The following DOCK3 variants were observed in gnomAD, a reference collection of about 807,000 sequenced individuals.
DOCK3 encodes the protein dedicator of cytokinesis protein 3.
DOCK3 carries 60 observed loss-of-function variants against 265.6 expected under a neutral mutation model. The ratio of observed to expected loss-of-function variants is 0.23; its 90% confidence interval spans 0.18 to 0.28. The LOEUF (loss-of-function observed/expected upper bound fraction) is 0.28. DOCK3 is among the 10% of genes least tolerant of loss of function. The pLI is 1.00. For synonymous variants in DOCK3, 881 were observed against 938.0 expected (o/e 0.94, Z 1.11); for missense variants, 1,981 against 2,594.3 (o/e 0.76, Z 5.14).
At chr3:50,858,499 G>C (rs1022796579) in intron 3 of DOCK3, among the ~76,000 whole-genome samples, 1 of 151,716 alleles carries the variant, frequency 6.6e-6, no homozygotes, top group Non-Finnish European at 1.5e-5. Context: ...TGGCTTGTAG[G>C]GTTTCAGCTG....
rs758990124 is a variant in DOCK3 at position 51,228,669 on chromosome 3, G to T, written c.1656G>T (p.Glu552Asp). 1 of 1,613,548 alleles carries T rather than the reference G, an allele frequency of 6.2e-7. No homozygotes were observed. The highest frequency in any genetic ancestry group is 8.5e-7 in the Non-Finnish European group (1 of 1,179,684). The stretch of plus-strand genomic sequence containing the variant: ...TCCATTTTTGCCTACAGTGTGATGA[G>T]AATAGCACGTTTAATAACCATGCTC... ...IHELYVYKCDENSTFNNHALY... is the reference protein window; with the variant it reads ...IHELYVYKCDDNSTFNNHALY... The change falls in exon 18 of 53, where the codon GAG (glutamate) becomes GAT (aspartate). Residue 552 changes from glutamate to aspartate, a missense_variant. Physicochemically the swap from Glu to Asp is conservative, Grantham distance 45. Coordinates refer to ENST00000266037, the MANE Select transcript of DOCK3 (RefSeq NM_004947.5).
chr3:50,987,339 G>T, intron 5 of DOCK3, among the ~76,000 whole-genome samples: 1 of 152,080 alleles, frequency 6.6e-6, no homozygotes, highest in Admixed American at 6.6e-5. Context: ...GTGGTAGCTG[G>T]TAGTTAGTTA....
chr3:51,015,279 G>A (rs1028862703), intron 5 of DOCK3, among the ~76,000 whole-genome samples: 3 of 151,940 alleles, frequency 2.0e-5, no homozygotes, highest in African/African-American at 7.3e-5. Flanking sequence ...TGTTATATAT[G>A]GCTTTTACTG....
intron 2 of DOCK3, among the ~76,000 whole-genome samples, chr3:50,797,509 A>C (rs1220741170): frequency 1.3e-5 from 2 of 152,328 alleles, no homozygotes; most frequent in South Asian, 4.1e-4. Context: ...CCTAAGGCGC[A>C]GCACCTTTCC....
intron 5 of DOCK3, among the ~76,000 whole-genome samples, chr3:51,024,869 C>T (rs779268397): frequency 7.2e-5 from 11 of 152,190 alleles, no homozygotes; most frequent in Non-Finnish European, 1.2e-4. Flanking sequence ...GAACTTGTCA[C>T]GTGGACAGAC....
intron 4 of DOCK3, among the ~76,000 whole-genome samples, chr3:50,890,733 TA>T (rs528565772): frequency 1.0e-3 from 159 of 152,218 alleles, no homozygotes; most frequent in Non-Finnish European, 1.7e-3. Context: ...GGTAGCTTCC[TA>T]AAGTAGAAAT....
chr3:50,784,569 G>A (rs2042089576), intron 2 of DOCK3, among the ~76,000 whole-genome samples: 1 of 152,060 alleles, frequency 6.6e-6, no homozygotes, highest in African/African-American at 2.4e-5. Context: ...ATTTTGATGG[G>A]AATTGCATTA....
intron 4 of DOCK3, among the ~76,000 whole-genome samples, chr3:50,926,984 G>T (rs188559551): frequency 5.9e-5 from 9 of 152,070 alleles, no homozygotes; most frequent in Non-Finnish European, 1.3e-4. Flanking sequence ...AGCGACTCCC[G>T]TCTCACACAG....
intron 9 of DOCK3, among the ~76,000 whole-genome samples, chr3:51,135,414 C>G (rs1014158124): frequency 6.6e-6 from 1 of 152,216 alleles, no homozygotes; most frequent in African/African-American, 2.4e-5. Context: ...GGGGATCATG[C>G]TGCTTCTCAA....
intron 5 of DOCK3, among the ~76,000 whole-genome samples, chr3:51,018,388 A>G (rs2079445022): frequency 6.6e-6 from 1 of 151,142 alleles, no homozygotes; most frequent in Non-Finnish European, 1.5e-5. Flanking sequence ...ACTTGAGTCC[A>G]GGAGTCCAAG....
Position 51,141,660 on chromosome 3 carries a change from T to C in DOCK3, c.747-4889T>C, listed in dbSNP as rs538543756. On this transcript the variant is annotated intron_variant, in intron 9 of 52. Coordinates refer to ENST00000266037, the MANE Select transcript of DOCK3 (RefSeq NM_004947.5). ...AAAGGTTTTAAGCTGGGAAAAGATA[T>C]GATCTGATTCGTATTTTAAAAGGAT... is the stretch of plus-strand genomic sequence containing the variant. 2.7e-3 allele frequency among the ~76,000 whole-genome samples: 417 copies of C among 152,290 alleles called. 2 individuals are homozygous for C. The highest frequency in any genetic ancestry group is 9.6e-3 in the African/African-American group (397 of 41,566).
At position 51,269,160 on chromosome 3, in the gene DOCK3, C is replaced by T. The variant is rs868373182; in HGVS notation, c.2356-1655C>T. ...CTCTATATATATATATTTATTTATA[C>T]GTATAATAATATACATATAATAATA... On this transcript the variant is annotated intron_variant, in intron 23 of 52. Transcript: ENST00000266037. Among the ~76,000 whole-genome samples the T allele has an allele frequency of 5.5e-4, 79 of 143,512 alleles. 1 individual carries two copies. Among genetic ancestry groups the T allele is most frequent in the South Asian group, 2.8e-3 (13 of 4,606 alleles). 94.1% of individuals were successfully genotyped at this position (143,512 alleles called of 152,430 possible). A position where few individuals can be genotyped will look rare whatever the true frequency, so the allele number is the denominator to read the frequency against.
At chr3:51,209,135 T>TG (rs1181639157) in intron 13 of DOCK3, among the ~76,000 whole-genome samples, 5 of 152,202 alleles carry the variant, frequency 3.3e-5, no homozygotes, top group Non-Finnish European at 7.4e-5. Flanking sequence ...GCAAAAATGT[T>TG]GCAGGGTTTG....
chr3:50,730,235 A>G (rs2038109993), intron 1 of DOCK3, among the ~76,000 whole-genome samples: 1 of 150,954 alleles, frequency 6.6e-6, no homozygotes, highest in Non-Finnish European at 1.5e-5. Flanking sequence ...TCTGCCTCTC[A>G]GGTTCAAGCG....
At chr3:51,071,466 T>C (rs1013022504) in intron 6 of DOCK3, among the ~76,000 whole-genome samples, 8 of 151,858 alleles carry the variant, frequency 5.3e-5, no homozygotes, top group Admixed American at 1.3e-4. Context: ...GTTTAAAGAG[T>C]TTTTTATCCA....
intron 23 of DOCK3, among the ~76,000 whole-genome samples, chr3:51,265,865 A>G (rs1033422567): frequency 3.3e-5 from 5 of 152,232 alleles, no homozygotes; most frequent in Admixed American, 3.3e-4. Flanking sequence ...GGCAAGAGAA[A>G]AAAATAAAGG....
intron 5 of DOCK3, among the ~76,000 whole-genome samples, chr3:51,033,646 TTA>T (rs2080139708): frequency 6.6e-6 from 1 of 152,220 alleles, no homozygotes; most frequent in African/African-American, 2.4e-5. Context: ...AATTTTTCAG[TTA>T]TAATTGTGTA....
intron 12 of DOCK3, among the ~76,000 whole-genome samples, chr3:51,189,575 CT>C (rs2087815812): frequency 2.0e-5 from 3 of 152,174 alleles, no homozygotes; most frequent in Non-Finnish European, 4.4e-5. Context: ...ATCCAAGTTT[CT>C]GCAAAAGACA....
intron 1 of DOCK3, among the ~76,000 whole-genome samples, chr3:50,744,002 G>A (rs1341029101): frequency 6.6e-6 from 1 of 152,126 alleles, no homozygotes. Context: ...ATGTGAAGTA[G>A]TATTTTGTGG....
Sources: allele counts gnomAD v4.1 joint callset (sites outside exome capture counted in the v4.1 genomes callset), GRCh38; gene constraint gnomAD v4.1.1; transcripts MANE v1.5; gene names NCBI Gene and HGNC (gene_info 2026-07-23, HGNC 2026-07-21).